ZKSCAN5: variants seen among roughly 807,000 people sequenced by gnomAD.
ZKSCAN5 encodes zinc finger protein with KRAB and SCAN domains 5.
Under a neutral mutation model 60.0 loss-of-function variants are expected in ZKSCAN5, and 28 were observed. The observed-to-expected ratio is 0.47, with a 90% CI of 0.35 to 0.64. The LOEUF is 0.64. ZKSCAN5 is among the 30% of genes least tolerant of loss of function. The pLI is 0.01. For missense variants in ZKSCAN5, 881 were observed against 1,034.6 expected (o/e 0.85, Z 2.04); for synonymous variants, 361 against 371.2 (o/e 0.97, Z 0.31).
chr7:99,511,274 G>A (rs1801011892), intron 2 of ZKSCAN5, among the ~76,000 whole-genome samples: 1 of 152,152 alleles, frequency 6.6e-6, no homozygotes, highest in South Asian at 2.1e-4. Flanking sequence ...CAGAAGGGGT[G>A]TGAGGTAGCC....
chr7:99,507,399 C>T (rs1449130680), intron 2 of ZKSCAN5, among the ~76,000 whole-genome samples: 1 of 151,092 alleles, frequency 6.6e-6, no homozygotes, highest in Non-Finnish European at 1.5e-5. Context: ...ACATATATGT[C>T]TGTATATATG....
At chr7:99,513,802 T>C (rs1337345192) in intron 3 of ZKSCAN5, 4 of 279,682 alleles carry the variant, frequency 1.4e-5, no homozygotes, top group South Asian at 2.7e-5. Flanking sequence ...CAAAGGTGGG[T>C]GGATCACCTG....
chr7:99,525,705 A>T (rs1801746939), intron 5 of ZKSCAN5, 108 bp from the exon 6 acceptor site: 4 of 1,424,588 alleles, frequency 2.8e-6, no homozygotes, highest in Non-Finnish European at 9.4e-7. Context: ...GTCCCTTTAC[A>T]GAATCATGGA....
In ZKSCAN5 at chr7:99,520,273, G is replaced by A. The variant is rs143858581; in HGVS notation, c.741G>A (p.Arg247=). ...QSQKSLYRDD[R]KENYGSITSM... Reference sequence around the variant, plus strand: ...AGAAGTCCCTTTATAGGGATGACAGGAAGGAGAACTATGGGAGTATTACTT... The same window carrying A: ...AGAAGTCCCTTTATAGGGATGACAGAAAGGAGAACTATGGGAGTATTACTT... Residue 247 remains arginine, a synonymous_variant, in exon 5 of 7, where the codon AGG becomes AGA. Transcript: ENST00000326775. 2.0e-5 allele frequency: 32 copies of A among 1,613,966 alleles called. No homozygotes were observed. Among genetic ancestry groups the A allele is most frequent in the Non-Finnish European group, 2.5e-5 (29 of 1,180,024 alleles).
intron 2 of ZKSCAN5, 55 bp from the exon 3 acceptor site, chr7:99,512,398 T>G: frequency 6.4e-7 from 1 of 1,561,286 alleles, no homozygotes; most frequent in East Asian, 2.3e-5. Flanking sequence ...TTCTACTGAT[T>G]TCTTTCGTGG....
In ZKSCAN5 at chr7:99,516,809, C is replaced by T. The variant is rs1297273073; in HGVS notation, c.554-3018C>T. ...CTGGGAAAAGGCTTTGCTGCTGCTG[C>T]TGCGTCTCCTGCTCCACTCTGTAAG... On this transcript the variant is annotated intron_variant, in intron 3 of 6. Coordinates refer to ENST00000326775, the MANE Select transcript of ZKSCAN5 (RefSeq NM_145102.4). Among the ~76,000 whole-genome samples the T allele has an allele frequency of 4.6e-5, 7 of 152,268 alleles. No homozygotes were observed. The South Asian group carries it at 8.3e-4, about 18-fold the overall frequency.
chr7:99,525,209 C>T (rs1801722430), intron 5 of ZKSCAN5, among the ~76,000 whole-genome samples: 3 of 148,638 alleles, frequency 2.0e-5, no homozygotes, highest in African/African-American at 7.5e-5. Flanking sequence ...CGTTGGCTCA[C>T]GTCTGTAATC....
At chr7:99,528,933 G>A (rs1157134058) in intron 6 of ZKSCAN5, among the ~76,000 whole-genome samples, 2 of 152,160 alleles carry the variant, frequency 1.3e-5, no homozygotes, top group Admixed American at 1.3e-4. Flanking sequence ...CATGCCGGGG[G>A]AGGAAAACTG....
At chr7:99,524,007 A>G (rs1354582583) in intron 5 of ZKSCAN5, among the ~76,000 whole-genome samples, 1 of 151,994 alleles carries the variant, frequency 6.6e-6, no homozygotes, top group East Asian at 1.9e-4. Context: ...TACTAATATA[A>G]TACAGAAAAC....
Position 99,533,192 on chromosome 7 carries a change from G to C in ZKSCAN5, c.*943G>C, listed in dbSNP as rs1298252734. On this transcript the variant is annotated 3_prime_UTR_variant, in exon 7 of 7. Transcript: ENST00000326775. ...CCCAGAAATAGACCTCTCCTGTAGA[G>C]TGGTGATATACAGAATGAGTTTCAG... The C allele has an allele frequency of 1.6e-6, 1 of 622,174 alleles. No individual in the cohort carries two copies. 38.5% of individuals were successfully genotyped at this position (622,174 alleles called of 1,614,324 possible). A position where few individuals can be genotyped will look rare whatever the true frequency, so the allele number is the denominator to read the frequency against.
intron 5 of ZKSCAN5, among the ~76,000 whole-genome samples, chr7:99,524,327 A>G (rs10271582): frequency 0.36 from 54,781 of 151,634 alleles, 15,625 homozygotes; most frequent in African/African-American, 0.79. Context: ...GCCTACCTCG[A>G]CCTCCCACAG....
At chr7:99,524,884 C>A (rs1031548301) in intron 5 of ZKSCAN5, among the ~76,000 whole-genome samples, 1 of 151,878 alleles carries the variant, frequency 6.6e-6, no homozygotes, top group Non-Finnish European at 1.5e-5. Context: ...ATTGCCCAGT[C>A]GTGACTGGGC....
rs548403010 is a variant in ZKSCAN5 at position 99,512,469 on chromosome 7, A to T, written c.431A>T (p.Asp144Val). The stretch of plus-strand genomic sequence containing the variant: ...GGTTGTTAGATTGTTGCCTGCCCTG[A>T]TGTGCTTCCTCGGAAGATGGCAACA... ...ERRQQIVACP[D>V]VLPRKMATPG... Residue 144 changes from aspartate to valine, a missense_variant, in exon 3 of 7, where the codon GAT becomes GTT. Physicochemically the swap from Asp to Val is radical, Grantham distance 152 (BLOSUM62 -3). Around this residue, in one of 5 missense-constraint regions of ZKSCAN5, gnomAD observed 490 missense variants for 554.5 expected, o/e 0.88. Coordinates refer to ENST00000326775, the MANE Select transcript of ZKSCAN5 (RefSeq NM_145102.4). 6.2e-7 allele frequency: 1 copy of T among 1,613,450 alleles called. No homozygotes were observed. The highest frequency in any genetic ancestry group is 1.3e-5 in the African/African-American group (1 of 74,868).
At chr7:99,512,830 A>G (rs1801100637) in intron 3 of ZKSCAN5, among the ~76,000 whole-genome samples, 1 of 150,680 alleles carries the variant, frequency 6.6e-6, no homozygotes, top group Non-Finnish European at 1.5e-5. Context: ...TTATTTATTT[A>G]TTTATTATTA....
rs1171313834 is a variant in ZKSCAN5, at chr7:99,534,689, A to C, written c.*2440A>C. ...CGACAGTGTCTAAAAAAAAAAAAAA[A>C]AAAAAAAAAAACATTTTTTGGAGAG... On this transcript the variant is annotated 3_prime_UTR_variant, in exon 7 of 7. Transcript: ENST00000326775. The C allele has an allele frequency of 3.9e-5, 6 of 151,920 alleles. No homozygotes were observed. The highest frequency in any genetic ancestry group is 1.3e-4 in the Admixed American group (2 of 15,168). The allele number at this position is 151,920 out of a possible 1,614,324, so 9.4% of individuals were successfully genotyped here.
chr7:99,520,368 T>C, intron 5 of ZKSCAN5, 64 bp downstream of exon 5: 1 of 1,507,090 alleles, frequency 6.6e-7, no homozygotes, highest in Non-Finnish European at 8.8e-7. Context: ...AAAGAGTATT[T>C]CTGGCTCATC....
chr7:99,525,845 G>A lies in ZKSCAN5; in HGVS notation c.805G>A (p.Val269Met). 1 of 1,613,634 alleles carries A rather than the reference G, an allele frequency of 6.2e-7. No individual in the cohort carries two copies. ...YESRDNMELI[V>M]KQISDDSESH... ...GTCCAGGGACAATATGGAGCTCATA[G>A]TGAAGCAGATTTCTGATGACTCTGA... Residue 269 changes from valine to methionine, a missense_variant, in exon 6 of 7, where the codon GTG becomes ATG. Val to Met is a conservative substitution (Grantham distance 21). Transcript: ENST00000326775.
At chr7:99,531,033 G>C in intron 6 of ZKSCAN5, 75 bp from the exon 7 acceptor site, 2 of 1,353,646 alleles carry the variant, frequency 1.5e-6, no homozygotes, top group Non-Finnish European at 2.0e-6. Flanking sequence ...CTCTAGCCTG[G>C]GCGACAGAGC....
chr7:99,506,768 C>G (rs532517959), intron 2 of ZKSCAN5, among the ~76,000 whole-genome samples: 1 of 152,196 alleles, frequency 6.6e-6, no homozygotes, highest in South Asian at 2.1e-4. Flanking sequence ...CTGCAAGCTC[C>G]GCCTCCCGGG....
Sources: gnomAD v4.1 joint callset for allele counts (sites outside exome capture counted in the v4.1 genomes callset) on GRCh38, gnomAD v4.1.1 for gene constraint, gnomAD v4.1.1 regional missense constraint, MANE v1.5 for transcripts, NCBI Gene and HGNC (gene_info 2026-07-23, HGNC 2026-07-21) for gene names.